The following VWA2 variants were observed in gnomAD, a reference collection of about 807,000 sequenced individuals.
The protein encoded by VWA2 is von Willebrand factor A domain-containing protein 2.
In VWA2, 73 loss-of-function variants were observed where a neutral mutation model predicts 70.4. That is an observed-to-expected ratio of 1.04 (90% CI 0.86 to 1.26). The LOEUF is 1.26. Among genes scored for constraint, VWA2 ranks in the 50% most tolerant of loss-of-function variants. VWA2 has a pLI of 0.00. For synonymous variants in VWA2, 407 were observed against 423.3 expected, an observed-to-expected ratio of 0.96 and a Z score of 0.47; for missense variants, 1,011 against 998.5, an observed-to-expected ratio of 1.01 and a Z score of -0.17.
rs149957812 is a variant in VWA2, at chr10:114,272,396, A to AAGG, written c.372-342_372-341insGAG. ...ACCCAGGATGTTGAGCTGTAACAAG[A>AAGG]AGATGATGCAGGGATGAGGAGATGG... On this transcript the variant is annotated intron_variant, in intron 5 of 13. Coordinates refer to ENST00000392982, the MANE Select transcript of VWA2 (RefSeq NM_001272046.2). Among the ~76,000 whole-genome samples the AAGG allele has an allele frequency of 4.7e-3, 723 of 152,292 alleles. 4 individuals are homozygous for AAGG. The highest frequency in any genetic ancestry group is 0.017 in the African/African-American group (695 of 41,552).
In VWA2 at chr10:114,272,674, C is replaced by G. The variant is rs930630973; in HGVS notation, c.372-66C>G. ...CGGAAGAGCTCATCGATTTCAGACT[C>G]TCATCCCAACTTCACCTCCCCACAT... On this transcript the variant is annotated intron_variant, in intron 5 of 13. Transcript: ENST00000392982. The G allele has an allele frequency of 4.3e-6, 6 of 1,407,678 alleles. No individual in the cohort carries two copies. The Admixed American group carries it at 9.0e-5, about 21-fold the overall frequency. 87.2% of individuals were successfully genotyped at this position (1,407,678 alleles called of 1,614,324 possible). A position where few individuals can be genotyped will look rare whatever the true frequency, so the allele number is the denominator to read the frequency against.
Position 114,289,327 on chromosome 10 carries a change from A to G in VWA2, c.1960A>G (p.Lys654Glu). The change falls in exon 12 of 14, where the codon AAG becomes GAG. Residue 654 changes from lysine (K) to glutamate (E), a missense_variant. By Grantham distance (56) the Lys-to-Glu change is moderately conservative. Coordinates refer to ENST00000392982, the MANE Select transcript of VWA2 (RefSeq NM_001272046.2). ...GAEDAAVPAQ[K>E]LRNNGISVLV... ...AGAGGATGCAGCCGTTCCTGCCCAG[A>G]AGCTGAGGAACAATGGCATCTCTGT... 3 of 1,614,206 alleles carry G rather than the reference A, an allele frequency of 1.9e-6. No individual in the cohort carries two copies. The highest frequency in any genetic ancestry group is 2.5e-6 in the Non-Finnish European group (3 of 1,180,032).
In VWA2 at chr10:114,283,326, C is replaced by T. The variant is rs373408072; in HGVS notation, c.889+755C>T. 2.1e-4 allele frequency among the ~76,000 whole-genome samples: 30 copies of T among 142,364 alleles called. No homozygotes were observed. The South Asian group carries it at 5.0e-3, about 24-fold the overall frequency. 93.4% of individuals were successfully genotyped at this position (142,364 alleles called of 152,430 possible). ...GCAGTTAGACACACAGGCAGGGTAGCGAGCAGTTAGACACACAGGCAGGGT... is the reference window on the plus strand; with the variant it reads ...GCAGTTAGACACACAGGCAGGGTAGTGAGCAGTTAGACACACAGGCAGGGT... On this transcript the variant is annotated intron_variant, in intron 9 of 13. Coordinates refer to ENST00000392982, the MANE Select transcript of VWA2 (RefSeq NM_001272046.2).
At chr10:114,268,819 C>T (rs969282892) in intron 5 of VWA2, among the ~76,000 whole-genome samples, 2 of 152,040 alleles carry the variant, frequency 1.3e-5, no homozygotes, top group Non-Finnish European at 2.9e-5. Context: ...CTCAGCCTCC[C>T]GAGTAGCTGG....
At chr10:114,274,942 G>T (rs2037796748) in intron 6 of VWA2, among the ~76,000 whole-genome samples, 1 of 152,184 alleles carries the variant, frequency 6.6e-6, no homozygotes, top group Non-Finnish European at 1.5e-5. Context: ...TGACAACGGG[G>T]GAAGAGCACG....
chr10:114,256,909 CAAAAAAA>C (rs1191231574), intron 4 of VWA2, among the ~76,000 whole-genome samples: 25 of 54,808 alleles, frequency 4.6e-4, no homozygotes, highest in Admixed American at 9.8e-4. Flanking sequence ...AACACCGTCT[CAAAAAAA>C]AAAAAAAAAA....
rs1242641803 is a variant in VWA2, at chr10:114,292,150, G to T, written c.*913G>T. The stretch of plus-strand genomic sequence containing the variant: ...AAGGTAGCCGGGGGTGGTGGTGGAT[G>T]CCTATAATCCCAGCTACTCGGGAGG... On this transcript the variant is annotated 3_prime_UTR_variant, in exon 14 of 14. Coordinates refer to ENST00000392982, the MANE Select transcript of VWA2 (RefSeq NM_001272046.2). Among the ~76,000 whole-genome samples the T allele has an allele frequency of 6.6e-6, 1 of 152,042 alleles. No homozygotes were observed. The highest frequency in any genetic ancestry group is 2.4e-5 in the African/African-American group (1 of 41,394).
In VWA2 at chr10:114,289,451, G is replaced by A. The variant is rs774478482; in HGVS notation, c.2084G>A (p.Arg695Gln). 62 of 1,614,018 alleles carry A rather than the reference G, an allele frequency of 3.8e-5. No individual in the cohort carries two copies. Among genetic ancestry groups the A allele is most frequent in the Middle Eastern group, 1.6e-4 (1 of 6,084 alleles). The change falls in exon 12 of 14, where the codon CGG (arginine) becomes CAG (glutamine). Residue 695 changes from arginine to glutamine, a missense_variant. Coordinates refer to ENST00000392982, the MANE Select transcript of VWA2 (RefSeq NM_001272046.2). ...LIHVAAYADL[R>Q]YHQDVLIEWL... ...CACGTGGCAGCTTACGCCGACCTGC[G>A]GTACCACCAGGACGTGCTCATTGAG...
Position 114,286,465 on chromosome 10 carries a change from C to T in VWA2, c.1524C>T (p.Asn508=), listed in dbSNP as rs758878698. 1.9e-6 allele frequency: 3 copies of T among 1,602,440 alleles called. No individual in the cohort carries two copies. The East Asian group carries it at 6.7e-5, about 36-fold the overall frequency. The change falls in exon 11 of 14, where the codon AAC becomes AAT. Residue 508 remains asparagine (N), a synonymous_variant. Transcript: ENST00000392982. The part of the protein sequence containing the change: ...MVYSDPQDLF[N]QIPELQGKLC... ...ACTCGGATCCTCAGGATCTGTTCAA[C>T]CAAATCCCTGAGCTGCAGGGGAAGC...
intron 8 of VWA2, 145 bp downstream of exon 8, chr10:114,278,996 A>G: frequency 2.3e-6 from 3 of 1,277,742 alleles, no homozygotes; most frequent in Non-Finnish European, 3.3e-6. Flanking sequence ...GGACGTAGCC[A>G]TGGGAGAACA....
intron 12 of VWA2, 99 bp downstream of exon 12, chr10:114,289,588 T>TA (rs756028789): frequency 1.2e-5 from 17 of 1,389,590 alleles, no homozygotes; most frequent in Non-Finnish European, 1.7e-5. Flanking sequence ...TCTTCCCAGC[T>TA]ACTGAGCACT....
At chr10:114,282,417 G>C (rs972332226) in intron 8 of VWA2, 99 bp from the exon 9 acceptor site, 1 of 965,238 alleles carries the variant, frequency 1.0e-6, no homozygotes, top group African/African-American at 1.6e-5. Flanking sequence ...TTCTGCATTG[G>C]AATCTTCTAT....
At chr10:114,243,448 G>T (rs762942617) in intron 1 of VWA2, among the ~76,000 whole-genome samples, 8 of 152,146 alleles carry the variant, frequency 5.3e-5, no homozygotes, top group Non-Finnish European at 1.0e-4. Flanking sequence ...TTTACCAAAG[G>T]TTACAAGGAA....
chr10:114,253,068 T>C (rs950441889), intron 2 of VWA2, among the ~76,000 whole-genome samples: 2 of 150,872 alleles, frequency 1.3e-5, no homozygotes, highest in Admixed American at 1.3e-4. Context: ...AGAGAGGATG[T>C]TGGCTTTTCC....
At chr10:114,245,073 CAG>C (rs1364615095) in intron 1 of VWA2, among the ~76,000 whole-genome samples, 14 of 152,134 alleles carry the variant, frequency 9.2e-5, no homozygotes, top group South Asian at 2.1e-4. Flanking sequence ...TTGAGGGGGA[CAG>C]GGGAGGGAGG....
At chr10:114,269,862 G>A (rs1302021676) in intron 5 of VWA2, among the ~76,000 whole-genome samples, 1 of 152,148 alleles carries the variant, frequency 6.6e-6, no homozygotes, top group Non-Finnish European at 1.5e-5. Flanking sequence ...GAGGCCATAG[G>A]GCTCACTGGC....
chr10:114,264,815 G>T (rs2037527660), intron 5 of VWA2, among the ~76,000 whole-genome samples: 1 of 152,126 alleles, frequency 6.6e-6, no homozygotes, highest in Non-Finnish European at 1.5e-5. Context: ...CACCTCCCGG[G>T]TTCAAGCGAT....
chr10:114,268,884 A>T (rs768687845), intron 5 of VWA2, among the ~76,000 whole-genome samples: 5 of 152,070 alleles, frequency 3.3e-5, no homozygotes, highest in Non-Finnish European at 7.4e-5. Flanking sequence ...TTTAGTAGCA[A>T]CAGGGTTTTA....
chr10:114,252,449 A>G (rs370068997), intron 2 of VWA2, among the ~76,000 whole-genome samples: 1 of 152,176 alleles, frequency 6.6e-6, no homozygotes, highest in South Asian at 2.1e-4. Context: ...AACGGGAAGG[A>G]GCCGGGAAAG....
Sources: allele counts gnomAD v4.1 joint callset (sites outside exome capture counted in the v4.1 genomes callset), GRCh38; gene constraint gnomAD v4.1.1; transcripts MANE v1.5; gene names NCBI Gene and HGNC (gene_info 2026-07-23, HGNC 2026-07-21).